The following LMX1A variants were observed in gnomAD, a reference collection of about 807,000 sequenced individuals.
LMX1A encodes LIM homeobox transcription factor 1 alpha.
In LMX1A, 15 loss-of-function variants were observed where a neutral mutation model predicts 49.1. The ratio of observed to expected loss-of-function variants is 0.31; its 90% CI spans 0.20 to 0.47. The LOEUF (loss-of-function observed/expected upper bound fraction) is 0.47. Among genes scored for constraint, LMX1A ranks in the 20% least tolerant of loss-of-function variants. The pLI is 1.00. For missense variants in LMX1A, 372 were observed against 475.8 expected (o/e 0.78, Z 2.03); for synonymous variants, 167 against 185.7 (o/e 0.90, Z 0.82).
chr1:165,266,595 CTT>C (rs61551654), intron 3 of LMX1A, among the ~76,000 whole-genome samples: 34 of 79,182 alleles, frequency 4.3e-4, no homozygotes, highest in Middle Eastern at 0.012. Context: ...TTCTTTCTTT[CTT>C]TTTTTTTTTT....
intron 3 of LMX1A, among the ~76,000 whole-genome samples, chr1:165,326,796 T>C (rs760692914): frequency 6.6e-6 from 1 of 152,216 alleles, no homozygotes; most frequent in Non-Finnish European, 1.5e-5. Flanking sequence ...TGTATCACTA[T>C]GCCCCTGTGA....
intron 3 of LMX1A, among the ~76,000 whole-genome samples, chr1:165,253,828 G>T (rs1571180986): frequency 6.6e-6 from 1 of 152,242 alleles, no homozygotes; most frequent in East Asian, 1.9e-4. Context: ...GGTTCCAGCT[G>T]CCCTTCCCCT....
chr1:165,240,890 C>T (rs530637398), intron 4 of LMX1A, among the ~76,000 whole-genome samples: 16 of 152,272 alleles, frequency 1.1e-4, no homozygotes, highest in South Asian at 8.3e-4. Flanking sequence ...GGAAGTGTAA[C>T]GCTTAGGAAT....
intron 3 of LMX1A, among the ~76,000 whole-genome samples, chr1:165,328,657 A>G (rs573381494): frequency 2.0e-4 from 30 of 152,340 alleles, no homozygotes; most frequent in African/African-American, 6.5e-4. Flanking sequence ...TCATATTCAC[A>G]GAGGCACAAC....
chr1:165,239,088 A>G (rs1652554847), intron 4 of LMX1A, among the ~76,000 whole-genome samples: 1 of 92,524 alleles, frequency 1.1e-5, no homozygotes, highest in African/African-American at 4.3e-5. Flanking sequence ...TGATGTGATC[A>G]TTTTCCCATT....
At chr1:165,302,259 C>T (rs1654803904) in intron 3 of LMX1A, among the ~76,000 whole-genome samples, 1 of 151,904 alleles carries the variant, frequency 6.6e-6, no homozygotes, top group Admixed American at 6.6e-5. Context: ...GCCTCGCCAA[C>T]ATGGAGAAAC....
chr1:165,301,139 G>A (rs10800082), intron 3 of LMX1A, among the ~76,000 whole-genome samples: 14,477 of 149,402 alleles, frequency 0.097, 1,369 homozygotes, highest in East Asian at 0.49. Context: ...GTGAGAACCC[G>A]TGGGGCAGCT....
chr1:165,226,878 A>G (rs947102065), intron 4 of LMX1A, among the ~76,000 whole-genome samples: 1 of 152,220 alleles, frequency 6.6e-6, no homozygotes, highest in South Asian at 2.1e-4. Flanking sequence ...TCATGTATTC[A>G]TCTAAACATA....
At chr1:165,345,786 T>TG (rs1267237622) in intron 3 of LMX1A, among the ~76,000 whole-genome samples, 5 of 152,142 alleles carry the variant, frequency 3.3e-5, no homozygotes, top group African/African-American at 1.2e-4. Context: ...CCCAGCACTT[T>TG]GGGAGGCTAA....
intron 3 of LMX1A, among the ~76,000 whole-genome samples, chr1:165,282,565 G>A (rs1257139532): frequency 6.6e-6 from 1 of 152,104 alleles, no homozygotes; most frequent in Non-Finnish European, 1.5e-5. Flanking sequence ...TGCAGAACCT[G>A]TGGCTCTGGA....
chr1:165,318,164 C>T (rs1417231565), intron 3 of LMX1A, among the ~76,000 whole-genome samples: 1 of 152,168 alleles, frequency 6.6e-6, no homozygotes, highest in African/African-American at 2.4e-5. Context: ...TTTTGGTATC[C>T]TGTTTACCTT....
At chr1:165,329,640 A>T (rs1212650535) in intron 3 of LMX1A, among the ~76,000 whole-genome samples, 1 of 152,038 alleles carries the variant, frequency 6.6e-6, no homozygotes, top group East Asian at 1.9e-4. Flanking sequence ...TGCAAAAAAA[A>T]AAACCTTACA....
At chr1:165,344,309 G>A (rs995470409) in intron 3 of LMX1A, among the ~76,000 whole-genome samples, 6 of 152,182 alleles carry the variant, frequency 3.9e-5, no homozygotes, top group South Asian at 2.1e-4. Flanking sequence ...CTGTGAAGAC[G>A]GTGGCTGTCA....
Position 165,319,520 on chromosome 1 carries a change from A to C in LMX1A, c.263+33556T>G, listed in dbSNP as rs1292085267. 3.3e-5 allele frequency among the ~76,000 whole-genome samples: 5 copies of C among 152,130 alleles called. 1 individual carries two copies. The highest frequency in any genetic ancestry group is 4.1e-4 in the South Asian group (2 of 4,834). Reference sequence around the variant, plus strand: ...GATATGATAAATAAATATATAATAAATATGTATTATCAGGAAGGCCACCTA... The same window carrying C: ...GATATGATAAATAAATATATAATAACTATGTATTATCAGGAAGGCCACCTA... On this transcript the variant is annotated intron_variant, in intron 3 of 8. Transcript: ENST00000342310.
In LMX1A at chr1:165,356,504, C is replaced by A. The variant is rs6689874; in HGVS notation, c.-172G>T. ...GCGCCGGGGAGGGAGCCGGAGCGAA[C>A]GCCGGCCGCTGGCTCTGCTCCTCGG... is the stretch of plus-strand genomic sequence containing the variant. On this transcript the variant is annotated 5_prime_UTR_variant, in exon 1 of 9. Transcript: ENST00000342310. The A allele has an allele frequency of 0.15, 23,336 of 152,078 alleles. 1,872 individuals are homozygous for A. The highest frequency in any genetic ancestry group is 0.27 in the East Asian group (1,401 of 5,124). 9.4% of individuals were successfully genotyped at this position (152,078 alleles called of 1,614,324 possible).
chr1:165,254,093 A>T (rs190910895), intron 3 of LMX1A, among the ~76,000 whole-genome samples: 2 of 152,228 alleles, frequency 1.3e-5, no homozygotes, highest in South Asian at 2.1e-4. Flanking sequence ...CCTGGAATTA[A>T]CTGTTAAACA....
chr1:165,292,541 T>C (rs1280089349), intron 3 of LMX1A, among the ~76,000 whole-genome samples: 1 of 152,206 alleles, frequency 6.6e-6, no homozygotes, highest in East Asian at 1.9e-4. Flanking sequence ...GCGGCAGGAT[T>C]ATTGAGACTG....
Position 165,355,939 on chromosome 1 carries a change from G to T in LMX1A, c.-22-358C>A, listed in dbSNP as rs551928631. On this transcript the variant is annotated intron_variant, in intron 1 of 8. Coordinates refer to ENST00000342310, the MANE Select transcript of LMX1A (RefSeq NM_177398.4). The surrounding 1 kb of genome is among the most constrained non-coding windows in gnomAD (Gnocchi z 4.7). ...GAAGGTGGGCCCTCGGGACGTCTCT[G>T]CAGGAACGCAGCTACTGGGGTATAT... The T allele has an allele frequency of 3.9e-5, 10 of 255,544 alleles. No individual in the cohort carries two copies. The East Asian group carries it at 7.9e-4, about 20-fold the overall frequency. 15.8% of individuals were successfully genotyped at this position (255,544 alleles called of 1,614,324 possible). A position where few individuals can be genotyped will look rare whatever the true frequency, so the allele number is the denominator to read the frequency against.
At chr1:165,269,813 T>C (rs1210868928) in intron 3 of LMX1A, among the ~76,000 whole-genome samples, 1 of 152,208 alleles carries the variant, frequency 6.6e-6, no homozygotes, top group Non-Finnish European at 1.5e-5. Flanking sequence ...AAGCACCGCA[T>C]GTTCTCACTT....
Sources: gnomAD v4.1 joint callset for allele counts (sites outside exome capture counted in the v4.1 genomes callset) on GRCh38, gnomAD v4.1.1 for gene constraint, Gnocchi (gnomAD v3.1) non-coding constraint, MANE v1.5 for transcripts, NCBI Gene and HGNC (gene_info 2026-07-23, HGNC 2026-07-21) for gene names.